Variants in NRG1 observed in about 807,000 individuals in gnomAD.
The protein encoded by NRG1 is neuregulin 1, also known as pro-neuregulin-1, membrane-bound isoform.
A neutral mutation model predicts 63.8 loss-of-function variants in NRG1; 18 were observed. The observed-to-expected ratio is 0.28, with a 90% confidence interval of 0.19 to 0.42. The LOEUF (loss-of-function observed/expected upper bound fraction) is 0.42, where lower values mean the gene tolerates loss of function less well. Ranked by LOEUF, NRG1 falls within the 10% of genes least tolerant of loss-of-function variation. NRG1 has a pLI of 1.00. For synonymous variants in NRG1, 302 were observed against 301.3 expected, an observed-to-expected ratio of 1.00 and a Z score of -0.02; for missense variants, 762 against 814.7, an observed-to-expected ratio of 0.94 and a Z score of 0.79.
intron 1 of NRG1, among the ~76,000 whole-genome samples, chr8:32,004,360 A>C (rs923274931): frequency 7.9e-5 from 12 of 151,952 alleles, no homozygotes; most frequent in Non-Finnish European, 1.3e-4. Flanking sequence ...AAACTCATAA[A>C]AGTGCACAAC....
chr8:32,373,812 A>T (rs528656976), intron 1 of NRG1, among the ~76,000 whole-genome samples: 147 of 152,254 alleles, frequency 9.7e-4, no homozygotes, highest in African/African-American at 3.5e-3. Flanking sequence ...TGGTAATCTA[A>T]TGGGATGCTA....
intron 1 of NRG1, among the ~76,000 whole-genome samples, chr8:32,249,854 G>A (rs562745564): frequency 3.3e-5 from 5 of 152,184 alleles, no homozygotes; most frequent in Non-Finnish European, 7.4e-5. Flanking sequence ...TCAAAGCATT[G>A]CAAAATGGAG....
chr8:31,908,971 C>T (rs1193998495), intron 1 of NRG1, among the ~76,000 whole-genome samples: 1 of 151,992 alleles, frequency 6.6e-6, no homozygotes, highest in African/African-American at 2.4e-5. Context: ...TAAGGTTGAT[C>T]TTCATCTCAG....
At chr8:32,447,174 C>A (rs978382660) in intron 1 of NRG1, among the ~76,000 whole-genome samples, 1 of 151,592 alleles carries the variant, frequency 6.6e-6, no homozygotes, top group African/African-American at 2.4e-5. Context: ...CGCCCACCAC[C>A]ACACCCGGCT....
At chr8:32,664,840 A>G (rs1266013172) in intron 5 of NRG1, among the ~76,000 whole-genome samples, 1 of 152,178 alleles carries the variant, frequency 6.6e-6, no homozygotes, top group Non-Finnish European at 1.5e-5. Context: ...ACAACCTCAT[A>G]CATTTATTCA....
chr8:32,345,088 A>G (rs1804713688), intron 1 of NRG1, among the ~76,000 whole-genome samples: 1 of 152,126 alleles, frequency 6.6e-6, no homozygotes, highest in Non-Finnish European at 1.5e-5. Context: ...TGTAGACATC[A>G]TTTCTGCTGA....
chr8:32,412,601 CATAGAAT>C (rs1478251961), intron 1 of NRG1, among the ~76,000 whole-genome samples: 2 of 151,444 alleles, frequency 1.3e-5, no homozygotes, highest in Admixed American at 1.3e-4. Context: ...TTGTGAATAT[CATAGAAT>C]ATTCTTACAC....
intron 1 of NRG1, among the ~76,000 whole-genome samples, chr8:32,432,725 C>T (rs1818297434): frequency 6.6e-6 from 1 of 151,910 alleles, no homozygotes; most frequent in South Asian, 2.1e-4. Context: ...ACTCCTTTTA[C>T]TCAAGCAATC....
At chr8:32,053,446 C>G (rs1586761447) in intron 1 of NRG1, among the ~76,000 whole-genome samples, 3 of 152,178 alleles carry the variant, frequency 2.0e-5, no homozygotes, top group African/African-American at 7.2e-5. Flanking sequence ...CTCTGGGACA[C>G]TCTTCTGCTC....
intron 1 of NRG1, among the ~76,000 whole-genome samples, chr8:32,394,407 C>T (rs749313787): frequency 9.8e-5 from 15 of 152,324 alleles, no homozygotes; most frequent in African/African-American, 2.9e-4. Context: ...GTTTTATCTA[C>T]GTCTTCTCTG....
intron 1 of NRG1, among the ~76,000 whole-genome samples, chr8:31,778,751 C>A (rs893254622): frequency 2.0e-5 from 3 of 152,206 alleles, no homozygotes; most frequent in Non-Finnish European, 1.5e-5. Flanking sequence ...TGCTGAAGTG[C>A]ATTTTGCCTA....
At chr8:32,405,043 G>A (rs1370713502) in intron 1 of NRG1, among the ~76,000 whole-genome samples, 1 of 152,148 alleles carries the variant, frequency 6.6e-6, no homozygotes, top group Non-Finnish European at 1.5e-5. Flanking sequence ...ATCAAACATG[G>A]AGAAATTGCA....
At chr8:31,900,435 C>G (rs1279595885) in intron 1 of NRG1, among the ~76,000 whole-genome samples, 2 of 152,148 alleles carry the variant, frequency 1.3e-5, no homozygotes, top group African/African-American at 4.8e-5. Context: ...TTAAAATAAT[C>G]TCCTAGGGAA....
At chr8:32,033,804 C>A (rs1818632705) in intron 1 of NRG1, among the ~76,000 whole-genome samples, 1 of 152,094 alleles carries the variant, frequency 6.6e-6, no homozygotes, top group African/African-American at 2.4e-5. Context: ...ATTTTGTGTC[C>A]TGAGACTTTG....
chr8:32,066,651 G>A (rs1824869778), intron 1 of NRG1, among the ~76,000 whole-genome samples: 2 of 152,276 alleles, frequency 1.3e-5, no homozygotes, highest in East Asian at 1.9e-4. Context: ...TTCTGGCTTA[G>A]TGTTGACTTG....
intron 1 of NRG1, among the ~76,000 whole-genome samples, chr8:31,641,940 G>A (rs1023582887): frequency 2.0e-5 from 3 of 152,158 alleles, no homozygotes; most frequent in Non-Finnish European, 2.9e-5. Flanking sequence ...AAGTCCTGCT[G>A]TTAATTAATA....
chr8:32,268,536 C>T (rs1851223824), intron 1 of NRG1, among the ~76,000 whole-genome samples: 1 of 152,150 alleles, frequency 6.6e-6, no homozygotes, highest in Non-Finnish European at 1.5e-5. Context: ...ACAGGCTGAT[C>T]ACCTCTGCCC....
chr8:32,548,632 C>A, exon 1 of NRG1: 1 of 1,450,878 alleles, frequency 6.9e-7, no homozygotes, highest in Non-Finnish European at 9.1e-7. Context: ...CTCTCCCCCT[C>A]GAGGGACAAA....
At chr8:31,763,199 C>G (rs978606175) in intron 1 of NRG1, among the ~76,000 whole-genome samples, 7 of 152,044 alleles carry the variant, frequency 4.6e-5, no homozygotes, top group Non-Finnish European at 1.0e-4. Context: ...TATAATAAAC[C>G]TACAGCAAAC....
Sources: gnomAD v4.1 joint callset for allele counts (sites outside exome capture counted in the v4.1 genomes callset) on GRCh38, gnomAD v4.1.1 for gene constraint, MANE v1.5 for transcripts, NCBI Gene and HGNC (gene_info 2026-07-23, HGNC 2026-07-21) for gene names.